The following GALNT13 variants were observed in gnomAD, a reference collection of about 807,000 sequenced individuals.
The protein encoded by GALNT13 is polypeptide N-acetylgalactosaminyltransferase 13.
In GALNT13, 28 loss-of-function variants were observed where a neutral mutation model predicts 64.2. The ratio of observed to expected loss-of-function variants is 0.44; its 90% CI spans 0.32 to 0.60. The LOEUF is 0.60. Ranked by LOEUF, GALNT13 falls within the 20% of genes least tolerant of loss-of-function variation. The pLI, the probability that GALNT13 is intolerant of heterozygous loss-of-function variation, is 0.05. For missense variants in GALNT13, 577 were observed against 669.8 expected (o/e 0.86, Z 1.53); for synonymous variants, 214 against 224.6 (o/e 0.95, Z 0.42).
the GALNT13 span, among the ~76,000 whole-genome samples, chr2:153,589,078 G>A: frequency 6.6e-6 from 1 of 152,084 alleles, no homozygotes; most frequent in Non-Finnish European, 1.5e-5. Flanking sequence ...ATTGAACTCG[G>A]GAGCTGAGAT....
At chr2:153,091,754 A>G in the GALNT13 span, among the ~76,000 whole-genome samples, 1 of 152,284 alleles carries the variant, frequency 6.6e-6, no homozygotes, top group South Asian at 2.1e-4. Context: ...CCCTTGTCAG[A>G]TGGGTAGTTT....
At chr2:153,492,582 G>T in the GALNT13 span, among the ~76,000 whole-genome samples, 1 of 152,104 alleles carries the variant, frequency 6.6e-6, no homozygotes, top group Non-Finnish European at 1.5e-5. Flanking sequence ...ACACTGCTGG[G>T]AATAGAAAAC....
the GALNT13 span, among the ~76,000 whole-genome samples, chr2:153,607,831 C>T: frequency 6.6e-6 from 1 of 151,952 alleles, no homozygotes; most frequent in African/African-American, 2.4e-5. Context: ...GGACACTTAC[C>T]AGAAAAAGAA....
At chr2:154,057,462 A>G (rs1424803160) in intron 3 of GALNT13, among the ~76,000 whole-genome samples, 2 of 152,198 alleles carry the variant, frequency 1.3e-5, no homozygotes, top group Admixed American at 1.3e-4. Flanking sequence ...TTCATTAAAT[A>G]TTTATGTAGT....
chr2:153,272,236 G>A, the GALNT13 span, among the ~76,000 whole-genome samples: 3 of 152,046 alleles, frequency 2.0e-5, no homozygotes, highest in African/African-American at 4.8e-5. Flanking sequence ...TAAAAGCAAC[G>A]GCAACAGAAG....
At chr2:154,198,399 G>A (rs1345276461) in intron 4 of GALNT13, among the ~76,000 whole-genome samples, 1 of 151,616 alleles carries the variant, frequency 6.6e-6, no homozygotes, top group Admixed American at 6.6e-5. Context: ...TTTTATTGTG[G>A]TAAAGTATAT....
chr2:154,127,692 C>A (rs1682368155), intron 3 of GALNT13, among the ~76,000 whole-genome samples: 1 of 147,142 alleles, frequency 6.8e-6, no homozygotes. Context: ...ATATATATAT[C>A]CATATCCACA....
chr2:153,227,767 G>A, the GALNT13 span, among the ~76,000 whole-genome samples: 2 of 152,110 alleles, frequency 1.3e-5, no homozygotes, highest in Non-Finnish European at 2.9e-5. Context: ...GAGGATATCA[G>A]CTAAAACAAG....
rs139498992 is a variant in GALNT13, at chr2:154,023,350, G to A, written c.142+78711G>A. The stretch of plus-strand genomic sequence containing the variant: ...ATAAGTCTCTTTGTAGGTCACTAAG[G>A]ACTTGCTTTATGAATCTGGGTGCTC... On this transcript the variant is annotated intron_variant, in intron 3 of 12. Transcript: ENST00000392825. Among the ~76,000 whole-genome samples, 1,055 of 152,244 alleles carry A rather than the reference G, an allele frequency of 6.9e-3. 8 individuals are homozygous for A. Among genetic ancestry groups the A allele is most frequent in the African/African-American group, 0.024 (991 of 41,540 alleles).
At chr2:153,101,041 C>A in the GALNT13 span, among the ~76,000 whole-genome samples, 1 of 151,290 alleles carries the variant, frequency 6.6e-6, no homozygotes, top group Non-Finnish European at 1.5e-5. Flanking sequence ...GACTCTGTCT[C>A]AAAAAAACCA....
the GALNT13 span, among the ~76,000 whole-genome samples, chr2:153,545,951 G>A: frequency 3.9e-5 from 6 of 152,160 alleles, no homozygotes; most frequent in Non-Finnish European, 7.4e-5. Flanking sequence ...CCAGAGCCCT[G>A]TAATGTGGGG....
chr2:154,227,729 C>T (rs941368431), intron 4 of GALNT13, among the ~76,000 whole-genome samples: 1 of 151,924 alleles, frequency 6.6e-6, no homozygotes, highest in Non-Finnish European at 1.5e-5. Flanking sequence ...TTTCTAATCA[C>T]ACAAAAATAG....
At chr2:154,423,152 A>T (rs1700328339) in intron 11 of GALNT13, among the ~76,000 whole-genome samples, 1 of 145,474 alleles carries the variant, frequency 6.9e-6, no homozygotes, top group South Asian at 2.2e-4. Flanking sequence ...TATGAGTGAG[A>T]ACATGCGGTG....
intron 9 of GALNT13, among the ~76,000 whole-genome samples, chr2:154,338,722 G>T (rs1695592828): frequency 6.6e-6 from 1 of 152,088 alleles, no homozygotes; most frequent in Non-Finnish European, 1.5e-5. Context: ...GTTCCTAGTT[G>T]TCTGGTACCA....
the GALNT13 span, among the ~76,000 whole-genome samples, chr2:153,823,845 T>C: frequency 6.6e-6 from 1 of 152,126 alleles, no homozygotes; most frequent in Non-Finnish European, 1.5e-5. Context: ...TATACCATTG[T>C]AGAAAACTTC....
intron 9 of GALNT13, among the ~76,000 whole-genome samples, chr2:154,350,092 G>A (rs921199987): frequency 1.3e-5 from 2 of 152,338 alleles, no homozygotes; most frequent in Non-Finnish European, 2.9e-5. Context: ...AGTGAGAATA[G>A]TAGTGTCTAG....
chr2:153,597,449 T>A, the GALNT13 span, among the ~76,000 whole-genome samples: 1 of 152,042 alleles, frequency 6.6e-6, no homozygotes, highest in Non-Finnish European at 1.5e-5. Context: ...AAAATAAAGT[T>A]AGACACTTGC....
intron 4 of GALNT13, among the ~76,000 whole-genome samples, chr2:154,186,285 A>G (rs1248837041): frequency 6.6e-6 from 1 of 152,050 alleles, no homozygotes; most frequent in East Asian, 1.9e-4. Context: ...CTTTCCAGTA[A>G]CAATGTCATT....
At chr2:153,452,395 C>T in the GALNT13 span, among the ~76,000 whole-genome samples, 3 of 151,792 alleles carry the variant, frequency 2.0e-5, no homozygotes, top group Admixed American at 6.6e-5. Context: ...GTGAAAGAAT[C>T]GCTTGAACCC....
Sources: gnomAD v4.1 joint callset for allele counts (sites outside exome capture counted in the v4.1 genomes callset) on GRCh38, gnomAD v4.1.1 for gene constraint, MANE v1.5 for transcripts, NCBI Gene and HGNC (gene_info 2026-07-23, HGNC 2026-07-21) for gene names.